NCBP3: variants seen among roughly 807,000 people sequenced by gnomAD.
The protein encoded by NCBP3 is nuclear cap binding subunit 3, also known as nuclear cap-binding protein subunit 3.
NCBP3 carries 20 observed loss-of-function variants against 75.7 expected under a neutral mutation model. The observed-to-expected ratio is 0.26, with a 90% CI of 0.19 to 0.38. The LOEUF (loss-of-function observed/expected upper bound fraction) is 0.38, where lower values mean the gene tolerates loss of function less well. Ranked by LOEUF, NCBP3 falls within the 10% of genes least tolerant of loss-of-function variation. The pLI, the probability that NCBP3 is intolerant of heterozygous loss-of-function variation, is 1.00. For synonymous variants in NCBP3, 293 were observed against 290.5 expected, an observed-to-expected ratio of 1.01 and a Z score of -0.09; for missense variants, 678 against 796.9, an observed-to-expected ratio of 0.85 and a Z score of 1.80.
chr17:3,846,163 G>C lies in NCBP3; in HGVS notation c.61C>G (p.Leu21Val), dbSNP rs1224662562. Residue 21 changes from leucine (L) to valine (V), a missense_variant, in exon 1 of 13, where the codon CTG becomes GTG. Transcript: ENST00000389005. This position sits in a 1 kb window ranked among gnomAD's most constrained non-coding sequence, Gnocchi z 4.6. Reference protein sequence around the residue: ...VKAEAPAGPALGLPSPEAESG... With the variant: ...VKAEAPAGPAVGLPSPEAESG... ...TCCGCCTCAGGGGACGGGAGCCCCAGGGCCGGCCCCGCCGGGGCCTCCGCC... is the reference window on the plus strand; with the variant it reads ...TCCGCCTCAGGGGACGGGAGCCCCACGGCCGGCCCCGCCGGGGCCTCCGCC... 2 of 1,528,766 alleles carry C rather than the reference G, an allele frequency of 1.3e-6. No individual in the cohort carries two copies. Among genetic ancestry groups the C allele is most frequent in the Admixed American group, 2.1e-5 (1 of 48,600 alleles). 94.7% of individuals were successfully genotyped at this position (1,528,766 alleles called of 1,614,324 possible).
chr17:3,832,589 C>A lies in NCBP3; in HGVS notation c.356-3221G>T, dbSNP rs550103938. Among the ~76,000 whole-genome samples, 41 of 147,698 alleles carry A rather than the reference C, an allele frequency of 2.8e-4. 1 individual carries two copies. The highest frequency in any genetic ancestry group is 2.4e-4 in the Non-Finnish European group (16 of 66,702). Reference sequence around the variant, plus strand: ...GAGGTTGCAGTGAGCCGAGATCGCACGACTGCACTCCAGCCTGGGTGACAG... The same window carrying A: ...GAGGTTGCAGTGAGCCGAGATCGCAAGACTGCACTCCAGCCTGGGTGACAG... On this transcript the variant is annotated intron_variant, in intron 3 of 12. Transcript: ENST00000389005.
In NCBP3 at chr17:3,803,501, T is replaced by C; in HGVS notation, c.*9543A>G. 1 of 152,254 alleles carries C rather than the reference T, an allele frequency of 6.6e-6. No individual in the cohort carries two copies. 9.4% of individuals were successfully genotyped at this position (152,254 alleles called of 1,614,324 possible). A position where few individuals can be genotyped will look rare whatever the true frequency, so the allele number is the denominator to read the frequency against. On this transcript the variant is annotated 3_prime_UTR_variant, in exon 13 of 13. Transcript: ENST00000389005. ...ACTGTACCATGGGCATGTGAGAGGC[T>C]GTCCCTGTTCTTGGGAAATGTTCAC...
At chr17:3,814,288 A>T (rs1191192036) in intron 12 of NCBP3, 34 bp downstream of exon 12, 1 of 1,609,136 alleles carries the variant, frequency 6.2e-7, no homozygotes, top group South Asian at 1.1e-5. Flanking sequence ...CTCTCACTGA[A>T]TCCCCATTCC....
At chr17:3,814,240 C>T in intron 12 of NCBP3, 82 bp downstream of exon 12, 1 of 1,442,532 alleles carries the variant, frequency 6.9e-7, no homozygotes, top group Non-Finnish European at 9.5e-7. Context: ...TTGCCTTCTG[C>T]TAAGAAAGTA....
rs1162061095 is a variant in NCBP3 at position 3,832,408 on chromosome 17, C to T, written c.356-3040G>A. On this transcript the variant is annotated intron_variant, in intron 3 of 12. Coordinates refer to ENST00000389005, the MANE Select transcript of NCBP3 (RefSeq NM_001114118.3). Reference sequence around the variant, plus strand: ...CAGCACTTTGGGAGGCCGGGGCGGGCAGATCACAAGGTCAGATCGAGACCA... The same window carrying T: ...CAGCACTTTGGGAGGCCGGGGCGGGTAGATCACAAGGTCAGATCGAGACCA... 1.7e-4 allele frequency among the ~76,000 whole-genome samples: 20 copies of T among 117,652 alleles called. 5 individuals carry two copies. The highest frequency in any genetic ancestry group is 9.7e-3 in the Middle Eastern group (2 of 206). The allele number at this position is 117,652 out of a possible 152,430, so 77.2% of individuals were successfully genotyped here. A position where few individuals can be genotyped will look rare whatever the true frequency, so the allele number is the denominator to read the frequency against.
intron 10 of NCBP3, among the ~76,000 whole-genome samples, chr17:3,817,492 A>T (rs1033554914): frequency 1.3e-5 from 2 of 151,924 alleles, no homozygotes; most frequent in African/African-American, 4.8e-5. Flanking sequence ...AGCCAGGAGT[A>T]GTGGCAGGCG....
rs968178066 is a variant in NCBP3 at position 3,803,769 on chromosome 17, A to G, written c.*9275T>C. The G allele has an allele frequency of 1.3e-5, 2 of 152,234 alleles. No homozygotes were observed. Among genetic ancestry groups the G allele is most frequent in the Non-Finnish European group, 2.9e-5 (2 of 68,042 alleles). The allele number at this position is 152,234 out of a possible 1,614,324, so 9.4% of individuals were successfully genotyped here. On this transcript the variant is annotated 3_prime_UTR_variant, in exon 13 of 13. Coordinates refer to ENST00000389005, the MANE Select transcript of NCBP3 (RefSeq NM_001114118.3). ...TTCTCCCCTTGATACCAGGAAGAAT[A>G]AAGTTTTTAAAAAATGGGCAGGTGG...
chr17:3,824,051 C>G (rs2053723492), intron 7 of NCBP3: 2 of 152,148 alleles, frequency 1.3e-5, no homozygotes, highest in Admixed American at 1.3e-4. Flanking sequence ...GGAAACATTA[C>G]ATACTTACAC....
In NCBP3 at chr17:3,846,028, C is replaced by T; in HGVS notation, c.183+13G>A. ...CCGCGACCTCTTCCTTACCCCCCGACCCCCGCCCGTACCGGGATCAGTTCC... is the reference window on the plus strand; with the variant it reads ...CCGCGACCTCTTCCTTACCCCCCGATCCCCGCCCGTACCGGGATCAGTTCC... On this transcript the variant is annotated intron_variant, in intron 1 of 12. Transcript: ENST00000389005. The surrounding 1 kb of genome is among the most constrained non-coding windows in gnomAD (Gnocchi z 4.6). The T allele has an allele frequency of 2.6e-6, 4 of 1,545,520 alleles. No homozygotes were observed. The highest frequency in any genetic ancestry group is 3.5e-6 in the Non-Finnish European group (4 of 1,144,272).
intron 9 of NCBP3, among the ~76,000 whole-genome samples, 193 bp downstream of exon 9, chr17:3,821,056 T>C (rs902680294): frequency 6.6e-6 from 1 of 152,246 alleles, no homozygotes; most frequent in Non-Finnish European, 1.5e-5. Context: ...GAACAGCTTT[T>C]ATAAAATCAT....
intron 3 of NCBP3, among the ~76,000 whole-genome samples, chr17:3,835,407 C>T (rs1253405339): frequency 2.0e-5 from 3 of 152,186 alleles, no homozygotes; most frequent in Admixed American, 2.0e-4. Context: ...CATATCTCAC[C>T]TCAGAAAGAA....
At chr17:3,816,055 C>A (rs2053524479) in intron 11 of NCBP3, 61 bp downstream of exon 11, 1 of 1,533,272 alleles carries the variant, frequency 6.5e-7, no homozygotes, top group South Asian at 1.2e-5. Context: ...GAACCTCTCT[C>A]TGCCCCAGTC....
chr17:3,811,966 GGACA>G lies in NCBP3; in HGVS notation c.*1074_*1077del, dbSNP rs1331592387. Reference sequence around the variant, plus strand: ...GATGTCTTCAGGTGCCACAACGTGGGGACAGAAAGAATAAATATCAATGTATAAC... The same window carrying G: ...GATGTCTTCAGGTGCCACAACGTGGGGAAAGAATAAATATCAATGTATAAC... On this transcript the variant is annotated 3_prime_UTR_variant, in exon 13 of 13. Coordinates refer to ENST00000389005, the MANE Select transcript of NCBP3 (RefSeq NM_001114118.3). The G allele has an allele frequency of 6.6e-6, 1 of 152,052 alleles. No homozygotes were observed. Among genetic ancestry groups the G allele is most frequent in the Non-Finnish European group, 1.5e-5 (1 of 68,004 alleles). 9.4% of individuals were successfully genotyped at this position (152,052 alleles called of 1,614,324 possible).
chr17:3,829,612 G>A (rs2053843651), intron 3 of NCBP3, among the ~76,000 whole-genome samples: 1 of 152,208 alleles, frequency 6.6e-6, no homozygotes, highest in Admixed American at 6.5e-5. Flanking sequence ...AACAAAGGGT[G>A]TTGATAAAAT....
chr17:3,843,568 T>TG (rs2054105192), intron 1 of NCBP3, among the ~76,000 whole-genome samples: 1 of 152,230 alleles, frequency 6.6e-6, no homozygotes, highest in Non-Finnish European at 1.5e-5. Context: ...TTTTTTGAGA[T>TG]GGAGTCTCAC....
chr17:3,814,272 C>A (rs772312821), intron 12 of NCBP3, 50 bp downstream of exon 12: 1 of 1,594,392 alleles, frequency 6.3e-7, no homozygotes. Flanking sequence ...CACCCACTGT[C>A]CTCTGCTCTC....
rs1366585505 is a variant in NCBP3 at position 3,831,854 on chromosome 17, CAT to C, written c.356-2488_356-2487del. Among the ~76,000 whole-genome samples, 2 of 121,514 alleles carry C rather than the reference CAT, an allele frequency of 1.6e-5. 1 individual carries two copies. The highest frequency in any genetic ancestry group is 4.0e-5 in the Non-Finnish European group (2 of 50,336). The allele number at this position is 121,514 out of a possible 152,430, so 79.7% of individuals were successfully genotyped here. ...AATTTAATTGTAAATTTTAAAATAA[CAT>C]AAAGAGTGTAATTGGATTGTTTGTA... is the stretch of plus-strand genomic sequence containing the variant. On this transcript the variant is annotated intron_variant, in intron 3 of 12. Coordinates refer to ENST00000389005, the MANE Select transcript of NCBP3 (RefSeq NM_001114118.3).
At chr17:3,834,894 A>C (rs971846063) in intron 3 of NCBP3, among the ~76,000 whole-genome samples, 3 of 152,246 alleles carry the variant, frequency 2.0e-5, no homozygotes, top group Non-Finnish European at 4.4e-5. Flanking sequence ...TTACCAGATC[A>C]AGAAATTCAG....
chr17:3,832,409 A>T lies in NCBP3; in HGVS notation c.356-3041T>A, dbSNP rs555060314. Among the ~76,000 whole-genome samples the T allele has an allele frequency of 1.7e-5, 2 of 118,444 alleles. 1 individual carries two copies. The highest frequency in any genetic ancestry group is 1.7e-4 in the Admixed American group (2 of 11,808). 77.7% of individuals were successfully genotyped at this position (118,444 alleles called of 152,430 possible). A position where few individuals can be genotyped will look rare whatever the true frequency, so the allele number is the denominator to read the frequency against. The stretch of plus-strand genomic sequence containing the variant: ...AGCACTTTGGGAGGCCGGGGCGGGC[A>T]GATCACAAGGTCAGATCGAGACCAT... On this transcript the variant is annotated intron_variant, in intron 3 of 12. Transcript: ENST00000389005.
Sources: allele counts gnomAD v4.1 joint callset (sites outside exome capture counted in the v4.1 genomes callset), GRCh38; gene constraint gnomAD v4.1.1; non-coding constraint Gnocchi (gnomAD v3.1); transcripts MANE v1.5; gene names NCBI Gene and HGNC (gene_info 2026-07-23, HGNC 2026-07-21).